Variants in DTNB observed in about 807,000 individuals in gnomAD.
DTNB encodes dystrobrevin beta.
In DTNB, 63 loss-of-function variants were observed where a neutral mutation model predicts 90.7. The observed-to-expected ratio is 0.69, with a 90% CI of 0.57 to 0.86. The LOEUF (loss-of-function observed/expected upper bound fraction) is 0.86, where lower values mean the gene tolerates loss of function less well. DTNB is among the 40% of genes least tolerant of loss of function. The probability of loss-of-function intolerance (pLI) is 0.00; values close to 1 mark genes in which losing one functional copy is unlikely to be tolerated. For missense variants in DTNB, 744 were observed against 807.1 expected (o/e 0.92, Z 0.95); for synonymous variants, 277 against 286.7 (o/e 0.97, Z 0.34).
At chr2:25,653,478 G>GCTTGCTTT (rs1553649666) in intron 1 of DTNB, among the ~76,000 whole-genome samples, 2 of 116,596 alleles carry the variant, frequency 1.7e-5, no homozygotes, top group African/African-American at 7.1e-5. Flanking sequence ...TTCAGAGCTT[G>GCTTGCTTT]CTTTCTTTCT....
intron 12 of DTNB, among the ~76,000 whole-genome samples, chr2:25,447,829 T>C (rs2058657093): frequency 6.6e-6 from 1 of 152,006 alleles, no homozygotes; most frequent in South Asian, 2.1e-4. Context: ...TTATACAACA[T>C]ATTCACCAAG....
chr2:25,536,029 G>A (rs1253478602), intron 8 of DTNB, among the ~76,000 whole-genome samples: 1 of 146,028 alleles, frequency 6.8e-6, no homozygotes, highest in African/African-American at 2.6e-5. Context: ...CTCCCATTCG[G>A]GGCAGCCGGG....
intron 8 of DTNB, among the ~76,000 whole-genome samples, chr2:25,534,561 G>C (rs1558919897): frequency 6.6e-6 from 1 of 152,022 alleles, no homozygotes; most frequent in African/African-American, 2.4e-5. Flanking sequence ...CGGCCTGGCA[G>C]AGGCGCTCCT....
At chr2:25,610,716 T>C (rs1407828073) in intron 4 of DTNB, among the ~76,000 whole-genome samples, 1 of 38,502 alleles carries the variant, frequency 2.6e-5, no homozygotes, top group African/African-American at 9.7e-5. Flanking sequence ...ACTTCTATCC[T>C]TTTTTTTTTT....
intron 3 of DTNB, among the ~76,000 whole-genome samples, chr2:25,631,575 A>C (rs1454800981): frequency 6.9e-6 from 1 of 144,068 alleles, no homozygotes; most frequent in East Asian, 1.9e-4. Context: ...CCTGTGGTCA[A>C]AAAAAAAAAA....
At chr2:25,552,992 C>T (rs556644817) in intron 8 of DTNB, among the ~76,000 whole-genome samples, 14 of 151,176 alleles carry the variant, frequency 9.3e-5, no homozygotes, top group Non-Finnish European at 1.8e-4. Flanking sequence ...TCCCGAGTAG[C>T]TGGGACTACA....
chr2:25,532,802 T>C (rs1419689647), intron 8 of DTNB, among the ~76,000 whole-genome samples: 1 of 152,118 alleles, frequency 6.6e-6, no homozygotes, highest in South Asian at 2.1e-4. Context: ...AATTGGAAAA[T>C]AAAACATGGC....
intron 8 of DTNB, among the ~76,000 whole-genome samples, chr2:25,556,380 T>C (rs2057359848): frequency 1.3e-5 from 2 of 152,166 alleles, no homozygotes; most frequent in Admixed American, 6.5e-5. Context: ...TCAAGAGTTC[T>C]CCTCTGTACA....
intron 9 of DTNB, among the ~76,000 whole-genome samples, chr2:25,511,992 C>A (rs1406673792): frequency 6.6e-6 from 1 of 152,078 alleles, no homozygotes; most frequent in Non-Finnish European, 1.5e-5. Flanking sequence ...GTAGATTATT[C>A]AATACAATTT....
chr2:25,569,908 C>G (rs2059574487), intron 8 of DTNB, among the ~76,000 whole-genome samples: 1 of 151,778 alleles, frequency 6.6e-6, no homozygotes, highest in African/African-American at 2.4e-5. Context: ...ACCAGCCTGG[C>G]CAACATGGTG....
At chr2:25,658,237 A>T (rs1001835115) in intron 1 of DTNB, among the ~76,000 whole-genome samples, 15 of 151,478 alleles carry the variant, frequency 9.9e-5, no homozygotes, top group South Asian at 4.2e-4. Flanking sequence ...AGCCTGGGCA[A>T]CAGAGTGAGA....
chr2:25,624,640 C>T (rs1044343957), intron 4 of DTNB, among the ~76,000 whole-genome samples: 15 of 152,160 alleles, frequency 9.9e-5, no homozygotes, highest in Non-Finnish European at 2.2e-4. Flanking sequence ...ACTGGACTAA[C>T]ACAAAGGTTG....
At chr2:25,428,873 A>G (rs998061892) in intron 14 of DTNB, among the ~76,000 whole-genome samples, 1 of 152,214 alleles carries the variant, frequency 6.6e-6, no homozygotes, top group African/African-American at 2.4e-5. Flanking sequence ...AAAGGGGACT[A>G]GTAACAGCAA....
chr2:25,628,174 T>A lies in DTNB; in HGVS notation c.359A>T (p.Asp120Val). ...LLLNFMIAAY[D>V]SEGRGKLTVF... ...TGTAAGGTAAGGTACTACTAGCCTG[T>A]CATATGCAGCAATCATAAAGTTGAG... The change falls in exon 4 of 21, where the codon GAC (aspartate) becomes GTC (valine). Residue 120 changes from aspartate to valine, a missense_variant. Physicochemically the swap from Asp to Val is radical, Grantham distance 152. Coordinates refer to ENST00000406818, the MANE Select transcript of DTNB (RefSeq NM_021907.5). 1 of 1,613,852 alleles carries A rather than the reference T, an allele frequency of 6.2e-7. No homozygotes were observed. The highest frequency in any genetic ancestry group is 8.5e-7 in the Non-Finnish European group (1 of 1,179,768).
intron 12 of DTNB, among the ~76,000 whole-genome samples, chr2:25,435,203 T>C (rs112919481): frequency 1.8e-3 from 277 of 152,240 alleles, no homozygotes; most frequent in African/African-American, 6.1e-3. Flanking sequence ...GTATTTTTAG[T>C]AGAGACAGGG....
chr2:25,654,138 G>A (rs1014633195), intron 1 of DTNB, among the ~76,000 whole-genome samples: 2 of 152,206 alleles, frequency 1.3e-5, no homozygotes, highest in Admixed American at 6.5e-5. Flanking sequence ...ATAAGCAGCA[G>A]GGCCAAGAGA....
intron 9 of DTNB, among the ~76,000 whole-genome samples, chr2:25,508,417 A>G (rs1200732640): frequency 6.6e-6 from 1 of 152,070 alleles, no homozygotes; most frequent in Non-Finnish European, 1.5e-5. Context: ...AATGTCAAAT[A>G]TGCTAGGTAT....
chr2:25,533,389 T>C (rs1207820425), intron 8 of DTNB, among the ~76,000 whole-genome samples: 3 of 152,162 alleles, frequency 2.0e-5, no homozygotes, highest in Non-Finnish European at 4.4e-5. Context: ...CCTGAAAGTA[T>C]ATAAAACGAA....
At chr2:25,418,229 T>C (rs1321958309) in intron 16 of DTNB, among the ~76,000 whole-genome samples, 3 of 152,200 alleles carry the variant, frequency 2.0e-5, no homozygotes, top group African/African-American at 7.2e-5. Flanking sequence ...TGCCATCTTC[T>C]TTCCCCCTGA....
Sources: allele counts gnomAD v4.1 joint callset (sites outside exome capture counted in the v4.1 genomes callset), GRCh38; gene constraint gnomAD v4.1.1; transcripts MANE v1.5; gene names NCBI Gene and HGNC (gene_info 2026-07-23, HGNC 2026-07-21).